The following RBFOX1 variants were observed in gnomAD, a reference collection of about 807,000 sequenced individuals.
RBFOX1 encodes RNA binding fox-1 homolog 1, also known as RNA binding protein fox-1 homolog 1.
Under a neutral mutation model 57.7 loss-of-function variants are expected in RBFOX1, and 8 were observed. That is an observed-to-expected ratio of 0.14 (90% CI 0.08 to 0.25). The LOEUF is 0.25. RBFOX1 is among the 10% of genes least tolerant of loss of function. RBFOX1 has a pLI of 1.00. For synonymous variants in RBFOX1, 326 were observed against 222.4 expected (o/e 1.47, Z -4.15); for missense variants, 611 against 548.5 (o/e 1.11, Z -1.14).
At chr16:7,462,379 CA>C (rs1205971793) in intron 4 of RBFOX1, among the ~76,000 whole-genome samples, 3 of 152,172 alleles carry the variant, frequency 2.0e-5, no homozygotes, top group Non-Finnish European at 4.4e-5. Flanking sequence ...CCTTTAATCC[CA>C]GCTACTCAGG....
chr16:5,594,695 T>C (rs11076939), intron 2 of RBFOX1, among the ~76,000 whole-genome samples: 4 of 152,140 alleles, frequency 2.6e-5, no homozygotes, highest in Admixed American at 1.3e-4. Context: ...ATTTATGTCA[T>C]TGAGCAGAGA....
At chr16:6,668,354 A>G (rs1002353429) in intron 3 of RBFOX1, among the ~76,000 whole-genome samples, 1 of 152,156 alleles carries the variant, frequency 6.6e-6, no homozygotes, top group African/African-American at 2.4e-5. Flanking sequence ...TGCCAGGTAT[A>G]GTTTAGTTGT....
At chr16:6,930,798 A>G (rs1199723071) in intron 3 of RBFOX1, among the ~76,000 whole-genome samples, 1 of 152,082 alleles carries the variant, frequency 6.6e-6, no homozygotes, top group Non-Finnish European at 1.5e-5. Flanking sequence ...CAGTTTTCTC[A>G]CTTTATTCAG....
chr16:6,112,698 A>T lies in RBFOX1; in HGVS notation c.-127+92706A>T, dbSNP rs1201401783. Among the ~76,000 whole-genome samples, 4 of 152,150 alleles carry T rather than the reference A, an allele frequency of 2.6e-5. No individual in the cohort carries two copies. In the East Asian group the frequency reaches 7.7e-4, roughly 29 times the overall value. ...AAGAGCAAAACTCCGTCTCAAAAAAACACCTGGAGCAAGTTCTGAGGTGAG... is the reference window on the plus strand; with the variant it reads ...AAGAGCAAAACTCCGTCTCAAAAAATCACCTGGAGCAAGTTCTGAGGTGAG... On this transcript the variant is annotated intron_variant, in intron 1 of 15. Coordinates refer to ENST00000550418, the MANE Select transcript of RBFOX1 (RefSeq NM_018723.4).
intron 1 of RBFOX1, among the ~76,000 whole-genome samples, chr16:5,446,601 C>G (rs1272863894): frequency 6.6e-6 from 1 of 152,040 alleles, no homozygotes; most frequent in African/African-American, 2.4e-5. Flanking sequence ...GTGGCTTGAT[C>G]CGATTTGTAC....
intron 3 of RBFOX1, among the ~76,000 whole-genome samples, chr16:6,821,388 T>G (rs2091270368): frequency 6.6e-6 from 1 of 152,212 alleles, no homozygotes; most frequent in Admixed American, 6.5e-5. Context: ...TTTAAAAAAT[T>G]TCATTGAGGT....
intron 3 of RBFOX1, among the ~76,000 whole-genome samples, chr16:5,626,551 A>G (rs1328055574): frequency 1.3e-5 from 2 of 152,014 alleles, no homozygotes. Flanking sequence ...CCCGTAGTGG[A>G]CCCTAACCAA....
intron 1 of RBFOX1, among the ~76,000 whole-genome samples, chr16:6,033,794 G>C (rs940797505): frequency 2.0e-5 from 3 of 152,182 alleles, no homozygotes; most frequent in African/African-American, 7.2e-5. Context: ...ATTCTTAGAG[G>C]TGAAATTGTT....
chr16:7,483,011 C>G (rs977024905), intron 4 of RBFOX1, among the ~76,000 whole-genome samples: 14 of 152,112 alleles, frequency 9.2e-5, no homozygotes, highest in Non-Finnish European at 1.8e-4. Flanking sequence ...TTTCCCAGGT[C>G]ATGAACCTGG....
At chr16:5,609,076 C>G (rs2047685439) in intron 3 of RBFOX1, among the ~76,000 whole-genome samples, 1 of 152,162 alleles carries the variant, frequency 6.6e-6, no homozygotes, top group Non-Finnish European at 1.5e-5. Context: ...AAATACATCT[C>G]TGTAAGGGAG....
chr16:7,631,026 A>AC (rs2060863507), intron 11 of RBFOX1, among the ~76,000 whole-genome samples: 1 of 152,156 alleles, frequency 6.6e-6, no homozygotes, highest in South Asian at 2.1e-4. Flanking sequence ...TATACAGGCC[A>AC]CCCCAAAGGC....
chr16:7,142,578 A>G (rs1291224327), intron 4 of RBFOX1, among the ~76,000 whole-genome samples: 1 of 152,112 alleles, frequency 6.6e-6, no homozygotes, highest in Non-Finnish European at 1.5e-5. Context: ...GTGCCTCAAT[A>G]TTATTTTCTC....
intron 3 of RBFOX1, among the ~76,000 whole-genome samples, chr16:6,792,451 C>T (rs556730382): frequency 9.2e-5 from 14 of 152,206 alleles, no homozygotes; most frequent in Admixed American, 9.2e-4. Context: ...CCTGTTCATA[C>T]CTTCCAGAAA....
chr16:7,201,429 C>T (rs540839016), intron 4 of RBFOX1, among the ~76,000 whole-genome samples: 36 of 150,770 alleles, frequency 2.4e-4, no homozygotes, highest in Admixed American at 1.5e-3. Flanking sequence ...TTGATCTAGG[C>T]AAGAGAATGC....
At chr16:5,382,235 T>A (rs2066148757) in intron 1 of RBFOX1, among the ~76,000 whole-genome samples, 1 of 152,222 alleles carries the variant, frequency 6.6e-6, no homozygotes, top group Non-Finnish European at 1.5e-5. Context: ...AATGCTGTGA[T>A]CAAGGGTACC....
At chr16:6,044,273 G>T (rs2095472488) in intron 1 of RBFOX1, among the ~76,000 whole-genome samples, 1 of 152,176 alleles carries the variant, frequency 6.6e-6, no homozygotes. Context: ...ATCCTAAGGT[G>T]CTGTGTTGTT....
intron 3 of RBFOX1, among the ~76,000 whole-genome samples, chr16:6,663,418 T>G (rs8053333): frequency 0.31 from 46,794 of 152,100 alleles, 7,297 homozygotes; most frequent in Non-Finnish European, 0.32. Flanking sequence ...AGGATTTGTT[T>G]CTATTAGTGC....
chr16:7,153,694 G>A (rs1320168761), intron 4 of RBFOX1, among the ~76,000 whole-genome samples: 1 of 141,670 alleles, frequency 7.1e-6, no homozygotes, highest in East Asian at 2.1e-4. Context: ...AGGTTGCATT[G>A]AACTCTAGCC....
chr16:5,582,664 C>T (rs1273140183), intron 2 of RBFOX1, among the ~76,000 whole-genome samples: 1 of 151,244 alleles, frequency 6.6e-6, no homozygotes, highest in Non-Finnish European at 1.5e-5. Context: ...GATTTTCCTG[C>T]CCCAGCCTCC....
Sources: allele counts gnomAD v4.1 joint callset (sites outside exome capture counted in the v4.1 genomes callset), GRCh38; gene constraint gnomAD v4.1.1; transcripts MANE v1.5; gene names NCBI Gene and HGNC (gene_info 2026-07-23, HGNC 2026-07-21).